Variants in SLCO3A1 observed in about 807,000 individuals in gnomAD.
The protein encoded by SLCO3A1 is solute carrier organic anion transporter family member 3A1, also known as PGE1 transporter.
SLCO3A1 carries 27 observed loss-of-function variants against 63.1 expected under a neutral mutation model. The ratio of observed to expected loss-of-function variants is 0.43; its 90% confidence interval spans 0.32 to 0.59. The LOEUF (loss-of-function observed/expected upper bound fraction) is 0.59, where lower values mean the gene tolerates loss of function less well. Among genes scored for constraint, SLCO3A1 ranks in the 20% least tolerant of loss-of-function variants. The probability of loss-of-function intolerance (pLI) is 0.09; values close to 1 mark genes in which losing one functional copy is unlikely to be tolerated. For synonymous variants in SLCO3A1, 473 were observed against 409.9 expected, an observed-to-expected ratio of 1.15 and a Z score of -1.86; for missense variants, 773 against 945.8, an observed-to-expected ratio of 0.82 and a Z score of 2.40.
At chr15:92,100,656 T>C (rs1302607368) in intron 3 of SLCO3A1, among the ~76,000 whole-genome samples, 1 of 152,186 alleles carries the variant, frequency 6.6e-6, no homozygotes, top group Non-Finnish European at 1.5e-5. Context: ...AAAACAATAC[T>C]TTTGCTATGC....
chr15:92,122,461 A>G (rs552861035), intron 5 of SLCO3A1, among the ~76,000 whole-genome samples: 5 of 152,356 alleles, frequency 3.3e-5, no homozygotes, highest in Admixed American at 2.6e-4. Flanking sequence ...CATTGGAACC[A>G]CAATGAGGTG....
intron 2 of SLCO3A1, among the ~76,000 whole-genome samples, chr15:92,046,470 C>A (rs1265792490): frequency 6.6e-6 from 1 of 152,114 alleles, no homozygotes; most frequent in Non-Finnish European, 1.5e-5. Flanking sequence ...GCGGAGGTTG[C>A]ATTGAGCCAA....
At chr15:92,056,297 C>CAG (rs2047020688) in intron 2 of SLCO3A1, among the ~76,000 whole-genome samples, 1 of 152,112 alleles carries the variant, frequency 6.6e-6, no homozygotes. Flanking sequence ...AATACAATTC[C>CAG]TTGCTGAACC....
intron 6 of SLCO3A1, among the ~76,000 whole-genome samples, chr15:92,126,701 G>A (rs1245496573): frequency 6.6e-6 from 1 of 152,178 alleles, no homozygotes; most frequent in East Asian, 1.9e-4. Flanking sequence ...AGTGTAGCGA[G>A]GGAAAGGGGG....
intron 2 of SLCO3A1, among the ~76,000 whole-genome samples, chr15:92,007,401 A>G (rs971537561): frequency 2.0e-5 from 3 of 152,216 alleles, no homozygotes; most frequent in South Asian, 4.1e-4. Context: ...GTCCTCTCTT[A>G]CGTTGAATCG....
intron 4 of SLCO3A1, among the ~76,000 whole-genome samples, chr15:92,119,165 A>G (rs1181347010): frequency 3.9e-5 from 6 of 152,168 alleles, no homozygotes; most frequent in Admixed American, 2.6e-4. Context: ...ATAATTTAGG[A>G]GACTTGGCTG....
rs999603240 is a variant in SLCO3A1, at chr15:91,856,520, G to A, written c.180+2432G>A. Among the ~76,000 whole-genome samples the A allele has an allele frequency of 6.6e-6, 1 of 152,162 alleles. No individual in the cohort carries two copies. Among genetic ancestry groups the A allele is most frequent in the Non-Finnish European group, 1.5e-5 (1 of 68,024 alleles). On this transcript the variant is annotated intron_variant, in intron 1 of 9. Transcript: ENST00000318445. The surrounding 1 kb of genome is among the most constrained non-coding windows in gnomAD (Gnocchi z 4.9). ...TGGGGAAAAAAAGTTTGCTCCTTCA[G>A]CCATGCGAGACTTCTCTGTGGATAA...
At position 92,036,587 on chromosome 15, in the gene SLCO3A1, T is replaced by A. The variant is rs562139972; in HGVS notation, c.647-58294T>A. Among the ~76,000 whole-genome samples the A allele has an allele frequency of 1.2e-4, 18 of 152,228 alleles. No homozygotes were observed. In the South Asian group the frequency reaches 2.9e-3, roughly 25 times the overall value. ...TCCTTCAAAGCCACAGTATTTTTTT[T>A]ATCAAAAAAATTGTTTCCATTATCA... On this transcript the variant is annotated intron_variant, in intron 2 of 9. Coordinates refer to ENST00000318445, the MANE Select transcript of SLCO3A1 (RefSeq NM_013272.4).
At chr15:91,956,875 C>T (rs1159404539) in intron 2 of SLCO3A1, among the ~76,000 whole-genome samples, 3 of 126,826 alleles carry the variant, frequency 2.4e-5, no homozygotes, top group African/African-American at 9.2e-5. Context: ...CTGCAGCCTC[C>T]ACCTCCTGGG....
chr15:92,087,639 C>T (rs1231813310), intron 2 of SLCO3A1, among the ~76,000 whole-genome samples: 1 of 151,702 alleles, frequency 6.6e-6, no homozygotes, highest in African/African-American at 2.4e-5. Context: ...CTGCCTCGGC[C>T]TCCTGAGTGC....
At chr15:92,107,550 G>C (rs1450410567) in intron 4 of SLCO3A1, among the ~76,000 whole-genome samples, 6 of 152,238 alleles carry the variant, frequency 3.9e-5, no homozygotes, top group African/African-American at 1.4e-4. Context: ...ACATTTGTGG[G>C]TTTCAATAAG....
At chr15:92,062,642 A>C (rs2047100678) in intron 2 of SLCO3A1, among the ~76,000 whole-genome samples, 1 of 152,146 alleles carries the variant, frequency 6.6e-6, no homozygotes, top group Non-Finnish European at 1.5e-5. Flanking sequence ...AGACACTGGC[A>C]AGCTGTTAGG....
chr15:91,992,507 A>T (rs1327456666), intron 2 of SLCO3A1, among the ~76,000 whole-genome samples: 3 of 152,196 alleles, frequency 2.0e-5, no homozygotes, highest in Non-Finnish European at 4.4e-5. Context: ...GTTGAGGGTT[A>T]AAACGGGAAG....
chr15:92,036,325 T>C (rs1238035688), intron 2 of SLCO3A1, among the ~76,000 whole-genome samples: 1 of 151,948 alleles, frequency 6.6e-6, no homozygotes, highest in East Asian at 1.9e-4. Context: ...ACCAAATTAT[T>C]GAATTTGGTA....
chr15:91,925,551 T>C (rs1898984535), intron 2 of SLCO3A1, among the ~76,000 whole-genome samples: 1 of 151,384 alleles, frequency 6.6e-6, no homozygotes, highest in South Asian at 2.1e-4. Flanking sequence ...GAAGTGGCCA[T>C]GTGGTCAGTC....
rs1489588374 is a variant in SLCO3A1, at chr15:91,954,453, A to G, written c.646+37995A>G. 6.6e-6 allele frequency among the ~76,000 whole-genome samples: 1 copy of G among 152,164 alleles called. No individual in the cohort carries two copies. Among genetic ancestry groups the G allele is most frequent in the Non-Finnish European group, 1.5e-5 (1 of 68,022 alleles). ...CCTCTGCAGTTTCCAGGGGCCCAAC[A>G]TTCAATAAATTGTTGCAGAAGCAAA... is the stretch of plus-strand genomic sequence containing the variant. On this transcript the variant is annotated intron_variant, in intron 2 of 9. Transcript: ENST00000318445. This position sits in a 1 kb window ranked among gnomAD's most constrained non-coding sequence, Gnocchi z 4.7.
At chr15:91,855,798 G>C (rs1026129751) in intron 1 of SLCO3A1, among the ~76,000 whole-genome samples, 1 of 152,046 alleles carries the variant, frequency 6.6e-6, no homozygotes, top group Admixed American at 6.6e-5. Context: ...ATACCTAACC[G>C]GGTCTATGTT....
intron 2 of SLCO3A1, among the ~76,000 whole-genome samples, chr15:91,963,796 G>A (rs900669424): frequency 6.6e-6 from 1 of 152,086 alleles, no homozygotes; most frequent in African/African-American, 2.4e-5. Flanking sequence ...TAAAGGTAGT[G>A]CAGAACCAGA....
At chr15:91,960,200 C>G (rs113710300) in intron 2 of SLCO3A1, among the ~76,000 whole-genome samples, 11,331 of 152,172 alleles carry the variant, frequency 0.074, 499 homozygotes, top group Non-Finnish European at 0.091. Context: ...AGCCAGGATG[C>G]TCTCGATCTC....
Sources: allele counts gnomAD v4.1 joint callset (sites outside exome capture counted in the v4.1 genomes callset), GRCh38; gene constraint gnomAD v4.1.1; non-coding constraint Gnocchi (gnomAD v3.1); transcripts MANE v1.5; gene names NCBI Gene and HGNC (gene_info 2026-07-23, HGNC 2026-07-21).